SYT2: variants seen among roughly 807,000 people sequenced by gnomAD.
SYT2 encodes the protein synaptotagmin 2, also known as synaptotagmin-2.
In SYT2, 15 loss-of-function variants were observed where a neutral mutation model predicts 39.9. The observed-to-expected ratio is 0.38, with a 90% CI of 0.25 to 0.58. SYT2 has a LOEUF of 0.58. Among genes scored for constraint, SYT2 ranks in the 20% least tolerant of loss-of-function variants. SYT2 has a pLI of 0.70. For missense variants in SYT2, 389 were observed against 530.3 expected (o/e 0.73, Z 2.62); for synonymous variants, 181 against 204.5 (o/e 0.89, Z 0.98).
rs1558437010 is a variant in SYT2 at position 202,626,397 on chromosome 1, G to GTTTTTTTTTTTTTT, written c.-17-20609_-17-20608insAAAAAAAAAAAAAA. ...TTGCATCTCCCAAGACAGCCTCTCA[G>GTTTTTTTTTTTTTT]CTTTTTTTTTTTTTTTTTTTTTTTT... On this transcript the variant is annotated intron_variant, in intron 1 of 8. Coordinates refer to ENST00000367268, the MANE Select transcript of SYT2 (RefSeq NM_177402.5). Among the ~76,000 whole-genome samples the GTTTTTTTTTTTTTT allele has an allele frequency of 3.9e-5, 4 of 102,440 alleles. No homozygotes were observed. The South Asian group carries it at 1.1e-3, about 29-fold the overall frequency. 67.2% of individuals were successfully genotyped at this position (102,440 alleles called of 152,430 possible).
intron 1 of SYT2, among the ~76,000 whole-genome samples, chr1:202,621,161 C>G (rs887945439): frequency 2.0e-5 from 3 of 152,154 alleles, no homozygotes; most frequent in Non-Finnish European, 2.9e-5. Flanking sequence ...CACTGGGTAT[C>G]TTTCTGTATC....
rs974608315 is a variant in SYT2 at position 202,710,346 on chromosome 1, T to G, written c.-106A>C. 2 of 152,268 alleles carry G rather than the reference T, an allele frequency of 1.3e-5. No individual in the cohort carries two copies. Among genetic ancestry groups the G allele is most frequent in the African/African-American group, 4.8e-5 (2 of 41,460 alleles). 9.4% of individuals were successfully genotyped at this position (152,268 alleles called of 1,614,324 possible). On this transcript the variant is annotated 5_prime_UTR_variant, in exon 1 of 9. Coordinates refer to ENST00000367268, the MANE Select transcript of SYT2 (RefSeq NM_177402.5). ...GCAAGGACGCGTGGCTGGCGACGGT[T>G]TCGCAGGGGCGCCCGTTCCCCTGGG...
intron 1 of SYT2, among the ~76,000 whole-genome samples, chr1:202,689,294 C>A (rs975190009): frequency 6.6e-6 from 1 of 152,212 alleles, no homozygotes; most frequent in Non-Finnish European, 1.5e-5. Flanking sequence ...AACACAAACA[C>A]GTGTGCACAC....
chr1:202,708,340 C>A lies in SYT2; in HGVS notation c.-18+1918G>T, dbSNP rs549696405. 1.6e-3 allele frequency among the ~76,000 whole-genome samples: 246 copies of A among 152,156 alleles called. 1 individual carries two copies. The highest frequency in any genetic ancestry group is 5.5e-3 in the African/African-American group (230 of 41,504). On this transcript the variant is annotated intron_variant, in intron 1 of 8. Coordinates refer to ENST00000367268, the MANE Select transcript of SYT2 (RefSeq NM_177402.5). The stretch of plus-strand genomic sequence containing the variant: ...CTCTCTTCCTCCAGGGAATGGTGGG[C>A]CAGGTCTATGTGAGGCTATAACCTA...
intron 1 of SYT2, among the ~76,000 whole-genome samples, chr1:202,635,352 C>T (rs767088787): frequency 1.3e-5 from 2 of 152,184 alleles, no homozygotes; most frequent in East Asian, 1.9e-4. Context: ...AATCCAAACC[C>T]ATAGAACTTA....
intron 1 of SYT2, among the ~76,000 whole-genome samples, chr1:202,616,868 C>G (rs1043234978): frequency 5.9e-5 from 9 of 152,230 alleles, no homozygotes; most frequent in Non-Finnish European, 1.3e-4. Flanking sequence ...CAAGCCACTT[C>G]CGAGCTCCAG....
intron 1 of SYT2, among the ~76,000 whole-genome samples, chr1:202,655,545 T>G (rs1378979761): frequency 6.6e-6 from 1 of 152,174 alleles, no homozygotes; most frequent in Non-Finnish European, 1.5e-5. Flanking sequence ...GGTCTTTATG[T>G]GCCCAACCTA....
chr1:202,698,691 G>A (rs60329509), intron 1 of SYT2, among the ~76,000 whole-genome samples: 3,761 of 152,258 alleles, frequency 0.025, 120 homozygotes, highest in East Asian at 0.17. Context: ...GACTCACCAG[G>A]CAGAACAGGA....
intron 1 of SYT2, among the ~76,000 whole-genome samples, chr1:202,625,061 G>A (rs1691342464): frequency 6.6e-6 from 1 of 152,118 alleles, no homozygotes; most frequent in African/African-American, 2.4e-5. Flanking sequence ...TAGGGTGTGT[G>A]GTGTGTAGTA....
At chr1:202,642,758 G>A (rs144056616) in intron 1 of SYT2, among the ~76,000 whole-genome samples, 1 of 152,322 alleles carries the variant, frequency 6.6e-6, no homozygotes, top group Non-Finnish European at 1.5e-5. Context: ...GCGCGAGCAT[G>A]GTCTTCCAGC....
At chr1:202,669,664 G>A (rs1383775682) in intron 1 of SYT2, among the ~76,000 whole-genome samples, 1 of 151,080 alleles carries the variant, frequency 6.6e-6, no homozygotes, top group Non-Finnish European at 1.5e-5. Flanking sequence ...AGGCTGACGT[G>A]GGAGGATCAC....
chr1:202,671,181 C>T (rs1692582446), intron 1 of SYT2, among the ~76,000 whole-genome samples: 1 of 152,222 alleles, frequency 6.6e-6, no homozygotes, highest in Non-Finnish European at 1.5e-5. Flanking sequence ...GATCAGCCTT[C>T]CCCACCTTTG....
chr1:202,597,592 G>C (rs1432693746), intron 8 of SYT2, among the ~76,000 whole-genome samples: 1 of 152,216 alleles, frequency 6.6e-6, no homozygotes, highest in Non-Finnish European at 1.5e-5. Context: ...GGTAGAGTAG[G>C]TTGGGGTCAG....
rs1313726398 is a variant in SYT2 at position 202,614,357 on chromosome 1, G to A, written c.-17-8568C>T. ...GTGGGGTTTGTGAAGTTAGCTCCAT[G>A]GGGAGTGGAGCAGGGAGGTTGGTTC... On this transcript the variant is annotated intron_variant, in intron 1 of 8. Transcript: ENST00000367268. This position sits in a 1 kb window ranked among gnomAD's most constrained non-coding sequence, Gnocchi z 4.0. Among the ~76,000 whole-genome samples, 1 of 152,172 alleles carries A rather than the reference G, an allele frequency of 6.6e-6. No homozygotes were observed. The highest frequency in any genetic ancestry group is 1.5e-5 in the Non-Finnish European group (1 of 68,040).
chr1:202,645,789 C>G (rs549638559), intron 1 of SYT2, among the ~76,000 whole-genome samples: 5 of 152,134 alleles, frequency 3.3e-5, no homozygotes, highest in Admixed American at 6.5e-5. Flanking sequence ...GACATTTGCA[C>G]AGGCAGCGGC....
At chr1:202,660,782 C>A (rs1325832450) in intron 1 of SYT2, among the ~76,000 whole-genome samples, 1 of 152,080 alleles carries the variant, frequency 6.6e-6, no homozygotes, top group Non-Finnish European at 1.5e-5. Flanking sequence ...CGCGTCATGC[C>A]GGTGGATCAC....
intron 1 of SYT2, among the ~76,000 whole-genome samples, chr1:202,653,681 C>A (rs897808968): frequency 1.3e-5 from 2 of 152,220 alleles, no homozygotes; most frequent in African/African-American, 4.8e-5. Context: ...AGACTGGGCG[C>A]TGGAGTCCCA....
chr1:202,630,514 G>C, intron 1 of SYT2: 4 of 498,252 alleles, frequency 8.0e-6, no homozygotes, highest in Non-Finnish European at 1.0e-5. Context: ...GGTGGGCTTG[G>C]AAGAGGCTGG....
chr1:202,616,899 C>T (rs993873422), intron 1 of SYT2, among the ~76,000 whole-genome samples: 1 of 152,216 alleles, frequency 6.6e-6, no homozygotes, highest in African/African-American at 2.4e-5. Context: ...CAACTGGCCC[C>T]CGACATAGCT....
Sources: gnomAD v4.1 joint callset for allele counts (sites outside exome capture counted in the v4.1 genomes callset) on GRCh38, gnomAD v4.1.1 for gene constraint, Gnocchi (gnomAD v3.1) non-coding constraint, MANE v1.5 for transcripts, NCBI Gene and HGNC (gene_info 2026-07-23, HGNC 2026-07-21) for gene names.